The following ENC1 variants were observed in gnomAD, a reference collection of about 807,000 sequenced individuals.
ENC1 encodes the protein ectoderm-neural cortex protein 1.
ENC1 carries 19 observed loss-of-function variants against 40.9 expected under a neutral mutation model. The ratio of observed to expected loss-of-function variants is 0.46; its 90% CI spans 0.32 to 0.68. The LOEUF (loss-of-function observed/expected upper bound fraction) is 0.68. Ranked by LOEUF, ENC1 falls within the 30% of genes least tolerant of loss-of-function variation. ENC1 has a pLI of 0.03. For missense variants in ENC1, 479 were observed against 737.5 expected, an observed-to-expected ratio of 0.65 and a Z score of 4.06; for synonymous variants, 285 against 291.1, an observed-to-expected ratio of 0.98 and a Z score of 0.21.
At chr5:74,639,089 T>C (rs765175861) in intron 1 of ENC1, among the ~76,000 whole-genome samples, 7 of 152,236 alleles carry the variant, frequency 4.6e-5, no homozygotes, top group Admixed American at 4.6e-4. Context: ...TAGCCTGTCA[T>C]CTTGGATACC....
At chr5:74,634,135 C>T (rs193041367) in intron 2 of ENC1, among the ~76,000 whole-genome samples, 4 of 152,184 alleles carry the variant, frequency 2.6e-5, no homozygotes, top group African/African-American at 4.8e-5. Flanking sequence ...TCTTCAGGGC[C>T]GGGTGCGGTG....
At chr5:74,632,512 T>G (rs1177624222) in intron 2 of ENC1, among the ~76,000 whole-genome samples, 6 of 152,172 alleles carry the variant, frequency 3.9e-5, no homozygotes, top group African/African-American at 1.4e-4. Context: ...CTCAGAACTC[T>G]GATAACTGTA....
In ENC1 at chr5:74,635,367, G is replaced by T; in HGVS notation, c.1119C>A (p.Pro373=). 1.2e-6 allele frequency: 2 copies of T among 1,614,198 alleles called. No individual in the cohort carries two copies. Among genetic ancestry groups the T allele is most frequent in the Non-Finnish European group, 1.7e-6 (2 of 1,180,038 alleles). ...CATGGCCAAACCTGGCCACCAGCAT[G>T]GGGGCAGCCTTGGACCACTCCTCGT... The part of the protein sequence containing the change: ...TLHEEWSKAA[P]MLVARFGHGS... The change falls in exon 2 of 3, where the codon CCC becomes CCA. Residue 373 remains proline (P), a synonymous_variant. Transcript: ENST00000302351. The surrounding 1 kb of genome is among the most constrained non-coding windows in gnomAD (Gnocchi z 5.5).
At position 74,636,703 on chromosome 5, in the gene ENC1, A is replaced by G. The variant is rs541378607; in HGVS notation, c.-13-205T>C. Among the ~76,000 whole-genome samples, 1 of 149,580 alleles carries G rather than the reference A, an allele frequency of 6.7e-6. No individual in the cohort carries two copies. The highest frequency in any genetic ancestry group is 2.1e-4 in the South Asian group (1 of 4,672). ...AGGATATTCACTGCTAATACTGTTG[A>G]GCTATTTGAACTCTGCACTGTTTAA... On this transcript the variant is annotated intron_variant, in intron 1 of 2. Coordinates refer to ENST00000302351, the MANE Select transcript of ENC1 (RefSeq NM_003633.4). This position sits in a 1 kb window ranked among gnomAD's most constrained non-coding sequence, Gnocchi z 4.8.
chr5:74,635,026 G>A lies in ENC1; in HGVS notation c.1460C>T (p.Ala487Val), dbSNP rs1747526184. 6.2e-7 allele frequency: 1 copy of A among 1,614,200 alleles called. No homozygotes were observed. The highest frequency in any genetic ancestry group is 8.5e-7 in the Non-Finnish European group (1 of 1,180,020). ...TCPQPWRYTA[A>V]AVLGNQIFIM... ...AAAAATCTGGTTCCCCAGCACAGCT[G>A]CTGCTGTGTAACGCCAGGGCTGGGG... Residue 487 changes from alanine (A) to valine (V), a missense_variant, in exon 2 of 3, where the codon GCA becomes GTA. Coordinates refer to ENST00000302351, the MANE Select transcript of ENC1 (RefSeq NM_003633.4). The surrounding 1 kb of genome is among the most constrained non-coding windows in gnomAD (Gnocchi z 5.5).
intron 2 of ENC1, among the ~76,000 whole-genome samples, chr5:74,630,913 A>C (rs1381672559): frequency 6.6e-6 from 1 of 152,222 alleles, no homozygotes; most frequent in Non-Finnish European, 1.5e-5. Flanking sequence ...TTGTGTGTTC[A>C]GAAGCCTGAT....
rs1302141383 is a variant in ENC1, at chr5:74,627,542, C to T, written c.*2483G>A. 6.6e-6 allele frequency: 1 copy of T among 152,486 alleles called. No homozygotes were observed. Among genetic ancestry groups the T allele is most frequent in the Non-Finnish European group, 1.5e-5 (1 of 68,028 alleles). 9.4% of individuals were successfully genotyped at this position (152,486 alleles called of 1,614,324 possible). On this transcript the variant is annotated 3_prime_UTR_variant, in exon 3 of 3. Coordinates refer to ENST00000302351, the MANE Select transcript of ENC1 (RefSeq NM_003633.4). ...TATGAACATGAACATTTTCCTTCAACTTATACAGAGTTTTGTACGTGAACC... is the reference window on the plus strand; with the variant it reads ...TATGAACATGAACATTTTCCTTCAATTTATACAGAGTTTTGTACGTGAACC...
Position 74,636,322 on chromosome 5 carries a change from C to T in ENC1, c.164G>A (p.Arg55Lys). 1.2e-6 allele frequency: 2 copies of T among 1,614,120 alleles called. No individual in the cohort carries two copies. Among genetic ancestry groups the T allele is most frequent in the Non-Finnish European group, 1.7e-6 (2 of 1,180,030 alleles). The part of the protein sequence containing the change: ...FTDVLLHAGN[R>K]TFPCHRAVLA... The stretch of plus-strand genomic sequence containing the variant: ...CACTGCCCGGTGGCAAGGGAAGGTC[C>T]TATTTCCGGCATGGAGAAGGACGTC... Residue 55 changes from arginine (R) to lysine (K), a missense_variant, in exon 2 of 3, where the codon AGG (arginine) becomes AAG (lysine). Transcript: ENST00000302351. The surrounding 1 kb of genome is among the most constrained non-coding windows in gnomAD (Gnocchi z 4.8).
chr5:74,635,450 C>G lies in ENC1; in HGVS notation c.1036G>C (p.Gly346Arg). ...CAIGCKVYIT[G>R]GRGSENGVSK... is the part of the protein sequence containing the mutation. ...ACCCCATTTTCAGACCCCCGCCCCC[C>G]AGTAATGTACACTTTGCAGCCAATC... The change falls in exon 2 of 3, where the codon GGG becomes CGG. Residue 346 changes from glycine (G) to arginine (R), a missense_variant. Transcript: ENST00000302351. The surrounding 1 kb of genome is among the most constrained non-coding windows in gnomAD (Gnocchi z 5.5). The G allele has an allele frequency of 6.2e-7, 1 of 1,614,152 alleles. No homozygotes were observed. The highest frequency in any genetic ancestry group is 8.5e-7 in the Non-Finnish European group (1 of 1,180,028).
rs1005846594 is a variant in ENC1 at position 74,636,978 on chromosome 5, A to G, written c.-13-480T>C. On this transcript the variant is annotated intron_variant, in intron 1 of 2. Transcript: ENST00000302351. This position sits in a 1 kb window ranked among gnomAD's most constrained non-coding sequence, Gnocchi z 4.8. The stretch of plus-strand genomic sequence containing the variant: ...CCATGCAACATAAAGCCATGCGTAA[A>G]ACAAACACCTAATAATTAATTCCAT... Among the ~76,000 whole-genome samples the G allele has an allele frequency of 6.6e-6, 1 of 152,226 alleles. No homozygotes were observed. Among genetic ancestry groups the G allele is most frequent in the African/African-American group, 2.4e-5 (1 of 41,458 alleles).
rs1747603563 is a variant in ENC1, at chr5:74,636,558, C to T, written c.-13-60G>A. On this transcript the variant is annotated intron_variant, in intron 1 of 2. Coordinates refer to ENST00000302351, the MANE Select transcript of ENC1 (RefSeq NM_003633.4). This position sits in a 1 kb window ranked among gnomAD's most constrained non-coding sequence, Gnocchi z 4.8. ...GCTCCTGATGTTCAGAACAGCAGAA[C>T]GAAAGCAACAATGGTTTTGCACAAA... is the stretch of plus-strand genomic sequence containing the variant. 1.0e-5 allele frequency: 10 copies of T among 962,424 alleles called. No individual in the cohort carries two copies. The highest frequency in any genetic ancestry group is 6.9e-5 in the South Asian group (4 of 57,570). 59.6% of individuals were successfully genotyped at this position (962,424 alleles called of 1,614,324 possible).
Position 74,628,341 on chromosome 5 carries a change from C to T in ENC1, c.*1684G>A, listed in dbSNP as rs1747271935. 6.6e-6 allele frequency: 1 copy of T among 152,624 alleles called. No individual in the cohort carries two copies. Among genetic ancestry groups the T allele is most frequent in the Admixed American group, 6.5e-5 (1 of 15,288 alleles). 9.5% of individuals were successfully genotyped at this position (152,624 alleles called of 1,614,324 possible). ...CACAATGTAAAAGGTTGTTATCAGT[C>T]TTAACCCCTATTTTCTAAAATACAG... On this transcript the variant is annotated 3_prime_UTR_variant, in exon 3 of 3. Coordinates refer to ENST00000302351, the MANE Select transcript of ENC1 (RefSeq NM_003633.4).
rs1337405060 is a variant in ENC1, at chr5:74,631,746, A to G, written c.*33-1754T>C. Among the ~76,000 whole-genome samples the G allele has an allele frequency of 2.0e-5, 3 of 152,234 alleles. No homozygotes were observed. In the East Asian group the frequency reaches 5.8e-4, roughly 29 times the overall value. ...CCCAGCGACCGGAAGGGTATGATTC[A>G]GTTCAAACACCCAGGGTAGGGTGAA... On this transcript the variant is annotated intron_variant, in intron 2 of 2. Coordinates refer to ENST00000302351, the MANE Select transcript of ENC1 (RefSeq NM_003633.4).
At position 74,635,716 on chromosome 5, in the gene ENC1, G is replaced by A; in HGVS notation, c.770C>T (p.Thr257Ile). ...AATTTCCTTACTCTTTCTCTGCTTG[G>A]TGATGAGTTCCTCCATGGCCACATT... ...MENVAMEELITKQRKSKEIVE... is the reference protein window; with the variant it reads ...MENVAMEELIIKQRKSKEIVE... The change falls in exon 2 of 3, where the codon ACC becomes ATC. Residue 257 changes from threonine to isoleucine, a missense_variant. Thr to Ile is a moderately conservative substitution (Grantham distance 89). Transcript: ENST00000302351. The surrounding 1 kb of genome is among the most constrained non-coding windows in gnomAD (Gnocchi z 5.5). 1 of 1,614,114 alleles carries A rather than the reference G, an allele frequency of 6.2e-7. No homozygotes were observed. The highest frequency in any genetic ancestry group is 8.5e-7 in the Non-Finnish European group (1 of 1,180,012).
intron 2 of ENC1, 117 bp downstream of exon 2, chr5:74,634,567 A>G: frequency 1.6e-6 from 1 of 619,782 alleles, no homozygotes; most frequent in Non-Finnish European, 2.9e-6. Flanking sequence ...TCTTATTTTT[A>G]CAGCTTTGGT....
rs1334984889 is a variant in ENC1 at position 74,640,677 on chromosome 5, T to TCCGCAGCGCCACCG, written c.-398_-385dup. 1 of 152,248 alleles carries TCCGCAGCGCCACCG rather than the reference T, an allele frequency of 6.6e-6. No homozygotes were observed. The highest frequency in any genetic ancestry group is 1.5e-5 in the Non-Finnish European group (1 of 68,244). The allele number at this position is 152,248 out of a possible 1,614,324, so 9.4% of individuals were successfully genotyped here. A position where few individuals can be genotyped will look rare whatever the true frequency, so the allele number is the denominator to read the frequency against. The stretch of plus-strand genomic sequence containing the variant: ...GGCCGCCAGGCGTCTGGACCGGGTC[T>TCCGCAGCGCCACCG]CCGCAGCGCCACCGCCGCACCGCCT... On this transcript the variant is annotated 5_prime_UTR_variant, in exon 1 of 3. Coordinates refer to ENST00000302351, the MANE Select transcript of ENC1 (RefSeq NM_003633.4).
chr5:74,632,256 T>C (rs1747419502), intron 2 of ENC1: 1 of 152,238 alleles, frequency 6.6e-6, no homozygotes, highest in Non-Finnish European at 1.5e-5. Context: ...CAACTAAGTG[T>C]GCTGTTAATT....
At chr5:74,639,655 A>G (rs1747760170) in intron 1 of ENC1, among the ~76,000 whole-genome samples, 1 of 152,234 alleles carries the variant, frequency 6.6e-6, no homozygotes, top group African/African-American at 2.4e-5. Flanking sequence ...TCTTTTTATT[A>G]ACACTTGCAA....
In ENC1 at chr5:74,629,354, A is replaced by ATAGC. The variant is rs142002192; in HGVS notation, c.*667_*670dup. 7 of 152,380 alleles carry ATAGC rather than the reference A, an allele frequency of 4.6e-5. No individual in the cohort carries two copies. The highest frequency in any genetic ancestry group is 1.0e-4 in the Non-Finnish European group (7 of 68,034). The allele number at this position is 152,380 out of a possible 1,614,324, so 9.4% of individuals were successfully genotyped here. Reference sequence around the variant, plus strand: ...TCAGCATGCAGGCATCGAACAATAAATAGCTAAATCTATAACAAACTTCTT... The same window carrying ATAGC: ...TCAGCATGCAGGCATCGAACAATAAATAGCTAGCTAAATCTATAACAAACTTCTT... On this transcript the variant is annotated 3_prime_UTR_variant, in exon 3 of 3. Transcript: ENST00000302351.
Sources: allele counts gnomAD v4.1 joint callset (sites outside exome capture counted in the v4.1 genomes callset), GRCh38; gene constraint gnomAD v4.1.1; non-coding constraint Gnocchi (gnomAD v3.1); transcripts MANE v1.5; gene names NCBI Gene and HGNC (gene_info 2026-07-23, HGNC 2026-07-21).